EXOC6: variants seen among roughly 807,000 people sequenced by gnomAD.
EXOC6 encodes SEC15-like 1.
A neutral mutation model predicts 112.5 loss-of-function variants in EXOC6; 60 were observed. The observed-to-expected ratio is 0.53, with a 90% confidence interval of 0.43 to 0.66. The LOEUF (loss-of-function observed/expected upper bound fraction) is 0.66. Ranked by LOEUF, EXOC6 falls within the 30% of genes least tolerant of loss-of-function variation. EXOC6 has a pLI of 0.00. For synonymous variants in EXOC6, 295 were observed against 308.0 expected, an observed-to-expected ratio of 0.96 and a Z score of 0.44; for missense variants, 855 against 957.1, an observed-to-expected ratio of 0.89 and a Z score of 1.41.
In EXOC6 at chr10:92,952,337, A is replaced by G. The variant is rs1853465630; in HGVS notation, c.1481A>G (p.Glu494Gly). Residue 494 changes from glutamate (E) to glycine (G), a missense_variant, in exon 15 of 22, where the codon GAA becomes GGA. Around this residue, in one of 2 missense-constraint regions of EXOC6, gnomAD observed 450 missense variants for 563.5 expected, o/e 0.80. Coordinates refer to ENST00000260762, the MANE Select transcript of EXOC6 (RefSeq NM_019053.6). ...SVPHIYIQVK[E>G]FIYASLKFSE... ...CCTCATATTTACATTCAAGTTAAAG[A>G]ATTTATTTATGCCAGCCTTAAATTT... The G allele has an allele frequency of 6.2e-7, 1 of 1,612,850 alleles. No individual in the cohort carries two copies. The highest frequency in any genetic ancestry group is 1.7e-5 in the Admixed American group (1 of 59,956).
chr10:92,943,124 C>A (rs1852764735), intron 13 of EXOC6, among the ~76,000 whole-genome samples: 1 of 151,676 alleles, frequency 6.6e-6, no homozygotes, highest in East Asian at 1.9e-4. Context: ...TGGGTTCACG[C>A]CATTCTGCCT....
intron 11 of EXOC6, 132 bp from the exon 12 acceptor site, chr10:92,935,682 A>C (rs1274694786): frequency 2.8e-6 from 2 of 714,466 alleles, no homozygotes; most frequent in Non-Finnish European, 4.7e-6. Context: ...TAACCAACCA[A>C]AATTTTAAAC....
At chr10:92,833,469 C>G (rs1198056020), upstream of EXOC6, among the ~76,000 whole-genome samples, 1 of 152,192 alleles carries the variant, frequency 6.6e-6, no homozygotes, top group Non-Finnish European at 1.5e-5. Flanking sequence ...ATGTATATCA[C>G]TGGCCAGCAG....
chr10:92,910,658 G>T (rs1589814251), intron 6 of EXOC6, among the ~76,000 whole-genome samples: 2 of 152,038 alleles, frequency 1.3e-5, no homozygotes, highest in Non-Finnish European at 1.5e-5. Flanking sequence ...GGGCCGGGCG[G>T]GGTGGCTCAC....
intron 20 of EXOC6, among the ~76,000 whole-genome samples, chr10:93,045,949 C>G (rs115792917): frequency 6.6e-6 from 1 of 152,194 alleles, no homozygotes; most frequent in East Asian, 1.9e-4. Context: ...ATAGCCTAGT[C>G]TGGCTTTCAG....
intron 9 of EXOC6, among the ~76,000 whole-genome samples, chr10:92,931,910 T>G (rs1852062024): frequency 6.6e-6 from 1 of 152,124 alleles, no homozygotes; most frequent in Admixed American, 6.5e-5. Flanking sequence ...AACTCTTCTA[T>G]GACCTAGCAG....
intron 20 of EXOC6, among the ~76,000 whole-genome samples, chr10:93,056,300 G>A (rs573000051): frequency 6.6e-6 from 1 of 152,028 alleles, no homozygotes; most frequent in Admixed American, 6.6e-5. Context: ...TTTCTTTTTT[G>A]TTGTTGTTTG....
At chr10:92,853,995 G>A (rs1273620318) in intron 1 of EXOC6, among the ~76,000 whole-genome samples, 1 of 134,296 alleles carries the variant, frequency 7.4e-6, no homozygotes, top group Non-Finnish European at 1.6e-5. Context: ...GCAACAGAGT[G>A]AGTCCCTGTC....
In EXOC6 at chr10:92,955,704, C is replaced by A. The variant is rs369078324; in HGVS notation, c.1763C>A (p.Ser588Tyr). The stretch of plus-strand genomic sequence containing the variant: ...CATACTACAAGACTTTATGGACTTT[C>A]TACTTTCAAGGTATGTAAAAATTTG... ...TVHTTRLYGL[S>Y]TFKDARHAAE... The change falls in exon 17 of 22, where the codon TCT (serine) becomes TAT (tyrosine). Residue 588 changes from serine (S) to tyrosine (Y), a missense_variant. Ser to Tyr is a moderately radical substitution (Grantham distance 144). Transcript: ENST00000260762. The A allele has an allele frequency of 1.6e-5, 25 of 1,607,966 alleles. No individual in the cohort carries two copies. Among genetic ancestry groups the A allele is most frequent in the Non-Finnish European group, 2.0e-5 (24 of 1,177,954 alleles).
At chr10:92,954,876 A>G (rs1853604493) in intron 16 of EXOC6, 135 bp downstream of exon 16, 1 of 517,438 alleles carries the variant, frequency 1.9e-6, no homozygotes, top group East Asian at 3.2e-5. Flanking sequence ...TTTTCAAAAT[A>G]AAAACACCAG....
At chr10:92,852,718 A>G (rs1162168748) in intron 1 of EXOC6, among the ~76,000 whole-genome samples, 2 of 151,966 alleles carry the variant, frequency 1.3e-5, no homozygotes, top group Admixed American at 6.5e-5. Context: ...ATCGAATATT[A>G]ATTCCTGATT....
intron 20 of EXOC6, among the ~76,000 whole-genome samples, chr10:93,053,373 T>C (rs1229431983): frequency 1.3e-5 from 2 of 152,206 alleles, no homozygotes; most frequent in Admixed American, 6.5e-5. Context: ...TTCACTTCAA[T>C]AGAACTGAAT....
At chr10:92,904,415 C>G (rs901540078) in intron 5 of EXOC6, among the ~76,000 whole-genome samples, 3 of 152,070 alleles carry the variant, frequency 2.0e-5, no homozygotes, top group African/African-American at 7.2e-5. Context: ...TGCACTCCCT[C>G]CAGAATGAAT....
chr10:92,957,198 A>C (rs921729056), intron 17 of EXOC6, among the ~76,000 whole-genome samples: 9 of 152,126 alleles, frequency 5.9e-5, no homozygotes, highest in African/African-American at 2.2e-4. Flanking sequence ...CTGTCCTTAC[A>C]TCCATCTGTT....
intron 1 of EXOC6, among the ~76,000 whole-genome samples, chr10:92,874,211 CT>C (rs1383806927): frequency 1.3e-5 from 2 of 152,052 alleles, no homozygotes; most frequent in Non-Finnish European, 2.9e-5. Context: ...GGATACTTAC[CT>C]TAACTTCAGT....
chr10:92,922,573 A>G (rs964177279), intron 8 of EXOC6, among the ~76,000 whole-genome samples: 7 of 152,200 alleles, frequency 4.6e-5, no homozygotes, highest in African/African-American at 1.7e-4. Flanking sequence ...ATCCTAAGGT[A>G]TCCTACTCTA....
At chr10:92,917,919 A>T (rs1564829192) in intron 7 of EXOC6, among the ~76,000 whole-genome samples, 1 of 152,122 alleles carries the variant, frequency 6.6e-6, no homozygotes, top group East Asian at 1.9e-4. Flanking sequence ...TGGGAGGCCG[A>T]GGGGGGCAGA....
chr10:93,045,180 A>G (rs1471293258), intron 20 of EXOC6, among the ~76,000 whole-genome samples: 1 of 152,188 alleles, frequency 6.6e-6, no homozygotes, highest in Admixed American at 6.5e-5. Context: ...CCAAGTATTT[A>G]GTTTTAATTT....
chr10:92,848,979 C>T (rs1351119879), intron 1 of EXOC6, among the ~76,000 whole-genome samples: 1 of 152,148 alleles, frequency 6.6e-6, no homozygotes, highest in East Asian at 1.9e-4. Context: ...CTGGGGCCTG[C>T]CCCCGTCTCG....
Sources: gnomAD v4.1 joint callset for allele counts (sites outside exome capture counted in the v4.1 genomes callset) on GRCh38, gnomAD v4.1.1 for gene constraint, gnomAD v4.1.1 regional missense constraint, MANE v1.5 for transcripts, NCBI Gene and HGNC (gene_info 2026-07-23, HGNC 2026-07-21) for gene names.